The following ZNF845 variants were observed in gnomAD, a reference collection of about 807,000 sequenced individuals.
ZNF845 encodes the protein zinc finger protein 845.
In ZNF845, 59 loss-of-function variants were observed where a neutral mutation model predicts 76.1. The ratio of observed to expected loss-of-function variants is 0.78; its 90% CI spans 0.63 to 0.96. The LOEUF is 0.96. Among genes scored for constraint, ZNF845 ranks in the 40% least tolerant of loss-of-function variants. The probability of loss-of-function intolerance (pLI) is 0.00; values close to 1 mark genes in which losing one functional copy is unlikely to be tolerated. For missense variants in ZNF845, 1,045 were observed against 1,172.8 expected (o/e 0.89, Z 1.59); for synonymous variants, 361 against 386.9 (o/e 0.93, Z 0.78).
At position 53,351,038 on chromosome 19, in the gene ZNF845, T is replaced by A. The variant is rs768047689; in HGVS notation, c.363T>A (p.Gly121=). ...TGACAGAAATCAAACAGTTGACGGG[T>A]AGTACAAACCGACATGATCAAAGGC... ...APMTEIKQLT[G]STNRHDQRHA... Residue 121 remains glycine (G), a synonymous_variant, in exon 4 of 4, where the codon GGT becomes GGA. Transcript: ENST00000458035. The A allele has an allele frequency of 1.3e-4, 204 of 1,614,002 alleles. No individual in the cohort carries two copies. Among genetic ancestry groups the A allele is most frequent in the Non-Finnish European group, 1.5e-4 (172 of 1,180,026 alleles).
At chr19:53,348,313 C>T (rs533006632) in intron 3 of ZNF845, among the ~76,000 whole-genome samples, 1 of 152,192 alleles carries the variant, frequency 6.6e-6, no homozygotes, top group South Asian at 2.1e-4. Context: ...AGGCTTACGG[C>T]ACAGATATTT....
In ZNF845 at chr19:53,345,528, T is replaced by C. The variant is rs752635100; in HGVS notation, c.38T>C (p.Val13Ala). 2.5e-6 allele frequency: 4 copies of C among 1,613,576 alleles called. No individual in the cohort carries two copies. The highest frequency in any genetic ancestry group is 3.4e-6 in the Non-Finnish European group (4 of 1,179,602). ...LSQGLLTFRD[V>A]AIEFSQEEWK... Reference sequence around the variant, plus strand: ...CAGGGTCTATTGACATTCAGGGATGTGGCCATAGAATTCTCTCAGGAAGAG... The same window carrying C: ...CAGGGTCTATTGACATTCAGGGATGCGGCCATAGAATTCTCTCAGGAAGAG... Residue 13 changes from valine (V) to alanine (A), a missense_variant, in exon 3 of 4, where the codon GTG becomes GCG. By Grantham distance (64) the Val-to-Ala change is moderately conservative. Coordinates refer to ENST00000458035, the MANE Select transcript of ZNF845 (RefSeq NM_138374.3).
chr19:53,343,217 A>G (rs892414417), intron 2 of ZNF845, among the ~76,000 whole-genome samples: 1 of 152,086 alleles, frequency 6.6e-6, no homozygotes, highest in Non-Finnish European at 1.5e-5. Context: ...TCCAGTAAAT[A>G]TTTTACTTTG....
intron 3 of ZNF845, chr19:53,346,329 C>T (rs897964967): frequency 2.4e-5 from 10 of 418,174 alleles, no homozygotes; most frequent in Non-Finnish European, 4.3e-5. Context: ...CTCACTCTGT[C>T]GCCAAGGCAG....
chr19:53,343,758 A>G (rs548994755), intron 2 of ZNF845, among the ~76,000 whole-genome samples: 1 of 152,040 alleles, frequency 6.6e-6, no homozygotes, highest in South Asian at 2.1e-4. Context: ...TGTAGGTTTT[A>G]TTATTTTGTG....
chr19:53,349,570 G>A (rs1489827363), intron 3 of ZNF845, among the ~76,000 whole-genome samples: 3 of 151,984 alleles, frequency 2.0e-5, no homozygotes, highest in Non-Finnish European at 2.9e-5. Context: ...GCCCGGCTGT[G>A]GCTTTTTTCT....
Position 53,347,198 on chromosome 19 carries a change from T to C in ZNF845, c.142+1566T>C, listed in dbSNP as rs149894225. Among the ~76,000 whole-genome samples the C allele has an allele frequency of 1.5e-3, 230 of 152,276 alleles. 1 individual carries two copies. Among genetic ancestry groups the C allele is most frequent in the African/African-American group, 5.3e-3 (221 of 41,550 alleles). ...ACCGCGCCCAGCTTATCTGTCTTTT[T>C]ATTTACCTTTACTGGAGAACTTTTT... On this transcript the variant is annotated intron_variant, in intron 3 of 3. Coordinates refer to ENST00000458035, the MANE Select transcript of ZNF845 (RefSeq NM_138374.3).
intron 1 of ZNF845, among the ~76,000 whole-genome samples, chr19:53,339,794 G>A (rs78706224): frequency 0.02 from 3,007 of 152,298 alleles, 63 homozygotes; most frequent in East Asian, 0.12. Flanking sequence ...TATAGTATAT[G>A]CCAGGGGACA....
At chr19:53,334,537 G>C (rs1187489074) in intron 1 of ZNF845, among the ~76,000 whole-genome samples, 1 of 151,966 alleles carries the variant, frequency 6.6e-6, no homozygotes, top group Non-Finnish European at 1.5e-5. Flanking sequence ...CAGGGAAAAA[G>C]AAAACAAGAG....
intron 3 of ZNF845, among the ~76,000 whole-genome samples, chr19:53,348,255 G>A (rs916208869): frequency 7.2e-5 from 11 of 152,118 alleles, no homozygotes; most frequent in African/African-American, 1.2e-4. Flanking sequence ...GTGATAGAGC[G>A]TGACTCAATC....
In ZNF845 at chr19:53,350,979, A is replaced by C. The variant is rs754533723; in HGVS notation, c.304A>C (p.Lys102Gln). ...TATTCATGATTTTGAGTTTCAGTGG[A>C]AAGAAGATGAAAGAAATAGCCATGA... ...KDIHDFEFQW[K>Q]EDERNSHEAP... Residue 102 changes from lysine to glutamine, a missense_variant, in exon 4 of 4, where the codon AAA becomes CAA. Physicochemically the swap from Lys to Gln is moderately conservative, Grantham distance 53. Transcript: ENST00000458035. 6 of 1,614,168 alleles carry C rather than the reference A, an allele frequency of 3.7e-6. No homozygotes were observed. The South Asian group carries it at 4.4e-5, about 12-fold the overall frequency.
rs985066627 is a variant in ZNF845 at position 53,356,689 on chromosome 19, G to A, written c.*3101G>A. ...TCACGCCTGTAATCCCAGCACTTTG[G>A]GAGGCTAAGGTGGGCGGATCACGAG... On this transcript the variant is annotated 3_prime_UTR_variant, in exon 4 of 4. Coordinates refer to ENST00000458035, the MANE Select transcript of ZNF845 (RefSeq NM_138374.3). 2 of 152,168 alleles carry A rather than the reference G, an allele frequency of 1.3e-5. No individual in the cohort carries two copies. The highest frequency in any genetic ancestry group is 2.9e-5 in the Non-Finnish European group (2 of 68,042). 9.4% of individuals were successfully genotyped at this position (152,168 alleles called of 1,614,324 possible). A position where few individuals can be genotyped will look rare whatever the true frequency, so the allele number is the denominator to read the frequency against.
intron 2 of ZNF845, among the ~76,000 whole-genome samples, chr19:53,345,133 T>C (rs557461016): frequency 1.3e-5 from 2 of 152,080 alleles, no homozygotes; most frequent in East Asian, 3.9e-4. Flanking sequence ...CTGACCAATA[T>C]GGTGAAACTC....
At chr19:53,343,109 G>A (rs974313095) in intron 2 of ZNF845, among the ~76,000 whole-genome samples, 2 of 152,046 alleles carry the variant, frequency 1.3e-5, no homozygotes, top group South Asian at 2.1e-4. Context: ...GTGATCCACC[G>A]CGCCCAGCCC....
In ZNF845 at chr19:53,354,384, G is replaced by A. The variant is rs1387535501; in HGVS notation, c.*796G>A. The A allele has an allele frequency of 6.5e-6, 2 of 305,492 alleles. No individual in the cohort carries two copies. The highest frequency in any genetic ancestry group is 1.3e-5 in the Non-Finnish European group (2 of 150,226). The allele number at this position is 305,492 out of a possible 1,614,324, so 18.9% of individuals were successfully genotyped here. A position where few individuals can be genotyped will look rare whatever the true frequency, so the allele number is the denominator to read the frequency against. ...GACATTAAAGTGTTTATGTTAAGAA[G>A]ATTGGGCCAGGCGGGGTGGCTCACG... On this transcript the variant is annotated 3_prime_UTR_variant, in exon 4 of 4. Coordinates refer to ENST00000458035, the MANE Select transcript of ZNF845 (RefSeq NM_138374.3).
intron 2 of ZNF845, 58 bp downstream of exon 2, chr19:53,341,380 T>C: frequency 6.2e-7 from 1 of 1,610,176 alleles, no homozygotes; most frequent in Non-Finnish European, 8.5e-7. Context: ...ATCCTGGGCC[T>C]TGGAGTTGGG....
Position 53,355,291 on chromosome 19 carries a change from A to G in ZNF845, c.*1703A>G, listed in dbSNP as rs1303825166. Reference sequence around the variant, plus strand: ...TGAGACAATGTCTCTCTCTGTCGCCAGGCTAGAGTGCCGTGGAATGATCTT... The same window carrying G: ...TGAGACAATGTCTCTCTCTGTCGCCGGGCTAGAGTGCCGTGGAATGATCTT... On this transcript the variant is annotated 3_prime_UTR_variant, in exon 4 of 4. Coordinates refer to ENST00000458035, the MANE Select transcript of ZNF845 (RefSeq NM_138374.3). 6.6e-6 allele frequency: 1 copy of G among 151,878 alleles called. No individual in the cohort carries two copies. 9.4% of individuals were successfully genotyped at this position (151,878 alleles called of 1,614,324 possible). A position where few individuals can be genotyped will look rare whatever the true frequency, so the allele number is the denominator to read the frequency against.
intron 1 of ZNF845, among the ~76,000 whole-genome samples, chr19:53,338,694 GCACACACACACA>G (rs57616883): frequency 7.1e-6 from 1 of 140,350 alleles, no homozygotes; most frequent in Non-Finnish European, 1.5e-5. Context: ...CAACACGTGA[GCACACACACACA>G]CACACACACA....
chr19:53,347,166 G>A (rs1440842278), intron 3 of ZNF845, among the ~76,000 whole-genome samples: 1 of 152,100 alleles, frequency 6.6e-6, no homozygotes, highest in Non-Finnish European at 1.5e-5. Context: ...GATTACAGGT[G>A]TGAACCACCG....
Sources: allele counts gnomAD v4.1 joint callset (sites outside exome capture counted in the v4.1 genomes callset), GRCh38; gene constraint gnomAD v4.1.1; transcripts MANE v1.5; gene names NCBI Gene and HGNC (gene_info 2026-07-23, HGNC 2026-07-21).